Variants in SLC22A15 observed in about 807,000 individuals in gnomAD.
SLC22A15 encodes solute carrier family 22 member 15, also known as flipt 1.
A neutral mutation model predicts 62.7 loss-of-function variants in SLC22A15; 45 were observed. The ratio of observed to expected loss-of-function variants is 0.72; its 90% CI spans 0.56 to 0.92. The LOEUF (loss-of-function observed/expected upper bound fraction) is 0.92, where lower values mean the gene tolerates loss of function less well. SLC22A15 is among the 40% of genes least tolerant of loss of function. SLC22A15 has a pLI of 0.00. For missense variants in SLC22A15, 622 were observed against 665.6 expected (o/e 0.93, Z 0.72); for synonymous variants, 264 against 267.0 (o/e 0.99, Z 0.11).
intron 8 of SLC22A15, among the ~76,000 whole-genome samples, chr1:116,055,059 C>T (rs1340614345): frequency 2.0e-5 from 3 of 150,794 alleles, no homozygotes; most frequent in Non-Finnish European, 4.4e-5. Flanking sequence ...AAAATCAGAG[C>T]AGAACTGAAG....
chr1:116,033,203 A>G (rs1036749132), intron 6 of SLC22A15, among the ~76,000 whole-genome samples: 25 of 152,218 alleles, frequency 1.6e-4, no homozygotes, highest in Non-Finnish European at 1.5e-5. Context: ...CCTCTGTGTT[A>G]AACATCTGTT....
intron 1 of SLC22A15, among the ~76,000 whole-genome samples, chr1:115,977,742 A>G (rs1305029139): frequency 1.3e-5 from 2 of 152,186 alleles, no homozygotes; most frequent in Non-Finnish European, 2.9e-5. Context: ...GCATGTGATG[A>G]TAGTTATTCT....
chr1:115,982,680 C>T (rs1264457037), intron 1 of SLC22A15, among the ~76,000 whole-genome samples: 1 of 152,154 alleles, frequency 6.6e-6, no homozygotes, highest in Non-Finnish European at 1.5e-5. Context: ...GATTGTTTAT[C>T]AGTCTTCTCA....
At chr1:116,052,125 G>A (rs1030738926) in intron 8 of SLC22A15, among the ~76,000 whole-genome samples, 3 of 152,242 alleles carry the variant, frequency 2.0e-5, no homozygotes, top group Non-Finnish European at 4.4e-5. Flanking sequence ...GGAAGTGCAA[G>A]GGGTCAGGGA....
rs370066851 is a variant in SLC22A15, at chr1:115,981,285, C to T, written c.87+4571C>T. On this transcript the variant is annotated intron_variant, in intron 1 of 11. Coordinates refer to ENST00000369503, the MANE Select transcript of SLC22A15 (RefSeq NM_018420.3). ...ACTGAGGCTTCAGCCATGATGAGAA[C>T]CTATGGTCTTACTAAGACCCTTTCA... Among the ~76,000 whole-genome samples, 7 of 152,324 alleles carry T rather than the reference C, an allele frequency of 4.6e-5. No individual in the cohort carries two copies. In the South Asian group the frequency reaches 1.5e-3, roughly 32 times the overall value.
intron 1 of SLC22A15, among the ~76,000 whole-genome samples, chr1:115,986,264 A>G (rs1026810478): frequency 6.6e-6 from 1 of 152,096 alleles, no homozygotes; most frequent in Non-Finnish European, 1.5e-5. Flanking sequence ...GATAGACTAT[A>G]CATATTTGAT....
chr1:116,051,169 C>T (rs1365081154), intron 8 of SLC22A15, among the ~76,000 whole-genome samples: 2 of 152,128 alleles, frequency 1.3e-5, no homozygotes, highest in African/African-American at 4.8e-5. Context: ...ATGCAATCCT[C>T]ATTAAAATAC....
chr1:116,044,845 G>C lies in SLC22A15; in HGVS notation c.1171+7457G>C, dbSNP rs536691812. 8.7e-4 allele frequency among the ~76,000 whole-genome samples: 132 copies of C among 152,176 alleles called. 1 individual carries two copies. Among genetic ancestry groups the C allele is most frequent in the African/African-American group, 3.0e-3 (123 of 41,530 alleles). On this transcript the variant is annotated intron_variant, in intron 8 of 11. Coordinates refer to ENST00000369503, the MANE Select transcript of SLC22A15 (RefSeq NM_018420.3). The stretch of plus-strand genomic sequence containing the variant: ...ATATGACTACAAAAAACTTTAAAAT[G>C]CTGATGAGAAAAATTAAAGAAGATG...
At chr1:116,018,884 A>T (rs1029592169) in intron 2 of SLC22A15, among the ~76,000 whole-genome samples, 10 of 152,214 alleles carry the variant, frequency 6.6e-5, no homozygotes, top group African/African-American at 2.4e-4. Context: ...TGTATCCTTT[A>T]ACAAATCTCT....
rs1028645157 is a variant in SLC22A15 at position 116,064,385 on chromosome 1, C to T, written c.1293-51C>T. ...GCCCGCTGCTGCCCCCCAAGGGTCT[C>T]TTAATTCCTCCGCTAGAACTTACTG... On this transcript the variant is annotated intron_variant, in intron 9 of 11. Transcript: ENST00000369503. The T allele has an allele frequency of 4.2e-6, 6 of 1,423,032 alleles. No homozygotes were observed. The Admixed American group carries it at 1.0e-4, about 24-fold the overall frequency. 88.2% of individuals were successfully genotyped at this position (1,423,032 alleles called of 1,614,324 possible).
Position 116,009,668 on chromosome 1 carries a change from A to G in SLC22A15, c.301-9914A>G, listed in dbSNP as rs116094167. Among the ~76,000 whole-genome samples the G allele has an allele frequency of 4.1e-3, 621 of 152,306 alleles. 7 individuals carry two copies. The highest frequency in any genetic ancestry group is 0.014 in the African/African-American group (585 of 41,550). On this transcript the variant is annotated intron_variant, in intron 2 of 11. Coordinates refer to ENST00000369503, the MANE Select transcript of SLC22A15 (RefSeq NM_018420.3). Reference sequence around the variant, plus strand: ...ATTTCTTAGCATTAAGTCAATTTCAATGACTTCACTAGACTCTCACTTGCT... The same window carrying G: ...ATTTCTTAGCATTAAGTCAATTTCAGTGACTTCACTAGACTCTCACTTGCT...
At chr1:115,987,271 T>G (rs1425122104) in intron 1 of SLC22A15, among the ~76,000 whole-genome samples, 1 of 151,462 alleles carries the variant, frequency 6.6e-6, no homozygotes, top group Non-Finnish European at 1.5e-5. Context: ...GTTCACGCCA[T>G]TCTCCTGCCT....
rs750849483 is a variant in SLC22A15, at chr1:116,019,628, C to G, written c.347C>G (p.Ser116Cys). 1.9e-6 allele frequency: 3 copies of G among 1,612,938 alleles called. No individual in the cohort carries two copies. The highest frequency in any genetic ancestry group is 2.7e-5 in the African/African-American group (2 of 74,808). ...NRSYKVSAASSFFFSGVFVGV... is the reference protein window; with the variant it reads ...NRSYKVSAASCFFFSGVFVGV... ...TCCTACAAAGTCAGTGCAGCAAGCT[C>G]TTTTTTCTTCAGTGGTGTATTTGTT... is the stretch of plus-strand genomic sequence containing the variant. The change falls in exon 3 of 12, where the codon TCT (serine) becomes TGT (cysteine). Residue 116 changes from serine to cysteine, a missense_variant. Ser to Cys is a moderately radical substitution (Grantham distance 112, BLOSUM62 -1). Transcript: ENST00000369503.
chr1:116,029,430 TG>T (rs1385309453), intron 5 of SLC22A15, among the ~76,000 whole-genome samples: 4 of 152,180 alleles, frequency 2.6e-5, no homozygotes, highest in African/African-American at 9.7e-5. Flanking sequence ...CCTGCTGCTA[TG>T]TAGAGGACGG....
In SLC22A15 at chr1:116,019,598, A is replaced by T; in HGVS notation, c.317A>T (p.Asn106Ile). The T allele has an allele frequency of 6.2e-7, 1 of 1,606,350 alleles. No homozygotes were observed. Among genetic ancestry groups the T allele is most frequent in the Non-Finnish European group, 8.5e-7 (1 of 1,177,942 alleles). ...TTCCTCTAGTGGTTTTTAATTGCCA[A>T]CAGATCCTACAAAGTCAGTGCAGCA... is the stretch of plus-strand genomic sequence containing the variant. ...SIASEWFLIA[N>I]RSYKVSAASS... The change falls in exon 3 of 12, where the codon AAC (asparagine) becomes ATC (isoleucine). Residue 106 changes from asparagine to isoleucine, a missense_variant. Coordinates refer to ENST00000369503, the MANE Select transcript of SLC22A15 (RefSeq NM_018420.3).
At chr1:116,011,178 G>T (rs942798158) in intron 2 of SLC22A15, among the ~76,000 whole-genome samples, 1 of 152,182 alleles carries the variant, frequency 6.6e-6, no homozygotes, top group Non-Finnish European at 1.5e-5. Flanking sequence ...TGCCTGGCTT[G>T]CAGGTTCCTT....
intron 8 of SLC22A15, among the ~76,000 whole-genome samples, chr1:116,039,692 G>T (rs527843797): frequency 6.6e-6 from 1 of 152,024 alleles, no homozygotes; most frequent in Non-Finnish European, 1.5e-5. Flanking sequence ...CATCACTAGA[G>T]AGAGAATATA....
At chr1:115,980,897 A>G (rs1311478214) in intron 1 of SLC22A15, among the ~76,000 whole-genome samples, 1 of 152,238 alleles carries the variant, frequency 6.6e-6, no homozygotes, top group Non-Finnish European at 1.5e-5. Context: ...AGAGAATACT[A>G]TAGTTTGCTG....
chr1:116,000,235 C>A (rs1278785217), intron 2 of SLC22A15, among the ~76,000 whole-genome samples: 3 of 151,888 alleles, frequency 2.0e-5, no homozygotes, highest in Non-Finnish European at 4.4e-5. Flanking sequence ...TAATTTCTTG[C>A]TGAAATTTTT....
Sources: gnomAD v4.1 joint callset for allele counts (sites outside exome capture counted in the v4.1 genomes callset) on GRCh38, gnomAD v4.1.1 for gene constraint, MANE v1.5 for transcripts, NCBI Gene and HGNC (gene_info 2026-07-23, HGNC 2026-07-21) for gene names.